The following SLC22A16 variants were observed in gnomAD, a reference collection of about 807,000 sequenced individuals.
SLC22A16 encodes the protein solute carrier family 22 member 16, also known as WUGSC:RG331P03.1.
Under a neutral mutation model 52.9 loss-of-function variants are expected in SLC22A16, and 53 were observed. The ratio of observed to expected loss-of-function variants is 1.00; its 90% confidence interval spans 0.80 to 1.26. SLC22A16 has a LOEUF of 1.26. SLC22A16 is among the 50% of genes most tolerant of loss of function. The pLI, the probability that SLC22A16 is intolerant of heterozygous loss-of-function variation, is 0.00. For synonymous variants in SLC22A16, 291 were observed against 268.8 expected, an observed-to-expected ratio of 1.08 and a Z score of -0.81; for missense variants, 726 against 704.0, an observed-to-expected ratio of 1.03 and a Z score of -0.35.
At chr6:110,476,499 G>GCTCCCA in intron 1 of SLC22A16, 23 bp downstream of exon 1, 2 of 369,752 alleles carry the variant, frequency 5.4e-6, no homozygotes, top group Non-Finnish European at 8.9e-6. Flanking sequence ...CCCGCGTGGC[G>GCTCCCA]CCGCGGGGCC....
intron 4 of SLC22A16, among the ~76,000 whole-genome samples, chr6:110,439,331 T>C (rs1774871775): frequency 6.6e-6 from 1 of 152,200 alleles, no homozygotes; most frequent in African/African-American, 2.4e-5. Context: ...AAAAACTATG[T>C]CATGAAGATC....
intron 1 of SLC22A16, among the ~76,000 whole-genome samples, chr6:110,467,484 C>A (rs1022360161): frequency 1.3e-5 from 2 of 152,216 alleles, no homozygotes; most frequent in Non-Finnish European, 2.9e-5. Context: ...CTCATCAGAG[C>A]AGAAACTGTG....
rs751094025 is a variant in SLC22A16, at chr6:110,475,967, A to T, written c.53+555T>A. 1.6e-4 allele frequency: 73 copies of T among 456,544 alleles called. 1 individual carries two copies. Among genetic ancestry groups the T allele is most frequent in the South Asian group, 1.0e-3 (67 of 64,558 alleles). The allele number at this position is 456,544 out of a possible 1,614,324, so 28.3% of individuals were successfully genotyped here. A position where few individuals can be genotyped will look rare whatever the true frequency, so the allele number is the denominator to read the frequency against. On this transcript the variant is annotated intron_variant, in intron 1 of 7. Coordinates refer to ENST00000368919, the MANE Select transcript of SLC22A16 (RefSeq NM_033125.4). ...CCTTTGCAGGGTCCCGGTGAACATC[A>T]AATGAAGAACTATGTGTAAGCGCCA...
At position 110,459,493 on chromosome 6, in the gene SLC22A16, A is replaced by T. The variant is rs143004883; in HGVS notation, c.54-2476T>A. Among the ~76,000 whole-genome samples, 3 of 152,164 alleles carry T rather than the reference A, an allele frequency of 2.0e-5. No individual in the cohort carries two copies. In the East Asian group the frequency reaches 5.8e-4, roughly 29 times the overall value. ...CATCTACAGGTTACCTGGCCAATAT[A>T]CCTAAAGACTGCCAAGGTCACAAAA... On this transcript the variant is annotated intron_variant, in intron 1 of 7. Coordinates refer to ENST00000368919, the MANE Select transcript of SLC22A16 (RefSeq NM_033125.4).
Position 110,429,995 on chromosome 6 carries a change from A to T in SLC22A16, c.1521+1176T>A, listed in dbSNP as rs374452128. Among the ~76,000 whole-genome samples the T allele has an allele frequency of 4.6e-5, 7 of 151,886 alleles. No individual in the cohort carries two copies. The East Asian group carries it at 7.8e-4, about 17-fold the overall frequency. On this transcript the variant is annotated intron_variant, in intron 7 of 7. Transcript: ENST00000368919. ...AGCTGCATGAGGAATAGAACAGGGGAGCTGTGCAGGGGGTCAATCGGGAAA... is the reference window on the plus strand; with the variant it reads ...AGCTGCATGAGGAATAGAACAGGGGTGCTGTGCAGGGGGTCAATCGGGAAA...
chr6:110,471,948 T>G (rs17071715), intron 1 of SLC22A16, among the ~76,000 whole-genome samples: 25,918 of 152,126 alleles, frequency 0.17, 2,878 homozygotes, highest in African/African-American at 0.31. Flanking sequence ...AAGGCACTGG[T>G]CCAGCTGGAC....
intron 4 of SLC22A16, 63 bp downstream of exon 4, chr6:110,442,181 C>T: frequency 1.3e-6 from 2 of 1,492,720 alleles, no homozygotes; most frequent in East Asian, 2.3e-5. Flanking sequence ...GAAACAGACA[C>T]ACACACACAA....
chr6:110,467,824 A>G (rs1267539069), intron 1 of SLC22A16, among the ~76,000 whole-genome samples: 1 of 152,244 alleles, frequency 6.6e-6, no homozygotes, highest in Non-Finnish European at 1.5e-5. Flanking sequence ...ATTGACTTCT[A>G]TGCACACATT....
At position 110,459,914 on chromosome 6, in the gene SLC22A16, G is replaced by T. The variant is rs191566629; in HGVS notation, c.54-2897C>A. 1.6e-4 allele frequency among the ~76,000 whole-genome samples: 25 copies of T among 152,240 alleles called. No homozygotes were observed. In the East Asian group the frequency reaches 4.4e-3, roughly 27 times the overall value. ...GACAATTATGCCCACAGGACAACAGGATAGAACAGATAAAATTTGGATTAC... is the reference window on the plus strand; with the variant it reads ...GACAATTATGCCCACAGGACAACAGTATAGAACAGATAAAATTTGGATTAC... On this transcript the variant is annotated intron_variant, in intron 1 of 7. Coordinates refer to ENST00000368919, the MANE Select transcript of SLC22A16 (RefSeq NM_033125.4).
intron 1 of SLC22A16, among the ~76,000 whole-genome samples, chr6:110,473,602 G>T (rs1776345341): frequency 7.0e-6 from 1 of 141,856 alleles, no homozygotes; most frequent in Non-Finnish European, 1.5e-5. Flanking sequence ...TCGGCTCACT[G>T]CAAGCTCTGC....
At chr6:110,430,435 C>T (rs941985325) in intron 7 of SLC22A16, among the ~76,000 whole-genome samples, 12 of 151,826 alleles carry the variant, frequency 7.9e-5, no homozygotes, top group Admixed American at 7.2e-4. Context: ...GGAGGGAATC[C>T]GGCAGCCTGA....
chr6:110,445,430 C>T (rs953588334), intron 3 of SLC22A16, among the ~76,000 whole-genome samples: 4 of 152,174 alleles, frequency 2.6e-5, no homozygotes, highest in Non-Finnish European at 5.9e-5. Flanking sequence ...TGATCAACGT[C>T]TTGCCTTTCC....
intron 4 of SLC22A16, among the ~76,000 whole-genome samples, chr6:110,442,027 A>T (rs1774986216): frequency 1.3e-5 from 2 of 152,242 alleles, no homozygotes; most frequent in South Asian, 4.1e-4. Flanking sequence ...TTTTAATGCC[A>T]TTTTTCCATG....
chr6:110,436,009 G>A, intron 5 of SLC22A16, 48 bp from the exon 6 acceptor site: 1 of 1,238,574 alleles, frequency 8.1e-7, no homozygotes, highest in South Asian at 1.3e-5. Flanking sequence ...TATTTTTAAA[G>A]GAAAATAGAA....
intron 5 of SLC22A16, 68 bp downstream of exon 5, chr6:110,438,647 CTGTAA>C: frequency 6.7e-7 from 1 of 1,500,100 alleles, no homozygotes; most frequent in Non-Finnish European, 9.0e-7. Context: ...TCATACTTAA[CTGTAA>C]TAAGCTAAAT....
chr6:110,472,351 C>T (rs148387359), intron 1 of SLC22A16, among the ~76,000 whole-genome samples: 2 of 152,154 alleles, frequency 1.3e-5, no homozygotes, highest in East Asian at 1.9e-4. Context: ...TTATCTAGGT[C>T]TTCACTGGCC....
At chr6:110,444,892 A>C (rs1049297240) in intron 3 of SLC22A16, among the ~76,000 whole-genome samples, 2 of 152,192 alleles carry the variant, frequency 1.3e-5, no homozygotes, top group Non-Finnish European at 2.9e-5. Flanking sequence ...TAAATTTCCC[A>C]GTTAAATTAA....
At chr6:110,470,869 A>G (rs2114301309) in intron 1 of SLC22A16, among the ~76,000 whole-genome samples, 1 of 152,346 alleles carries the variant, frequency 6.6e-6, no homozygotes, top group South Asian at 2.1e-4. Flanking sequence ...GCCCCAGGAT[A>G]TCTAGTTTTC....
At chr6:110,474,014 T>C (rs1181354332) in intron 1 of SLC22A16, among the ~76,000 whole-genome samples, 1 of 152,092 alleles carries the variant, frequency 6.6e-6, no homozygotes, top group African/African-American at 2.4e-5. Context: ...CGAGCATTAC[T>C]TCCTAAGCTC....
Sources: allele counts gnomAD v4.1 joint callset (sites outside exome capture counted in the v4.1 genomes callset), GRCh38; gene constraint gnomAD v4.1.1; transcripts MANE v1.5; gene names NCBI Gene and HGNC (gene_info 2026-07-23, HGNC 2026-07-21).